TMEM161B: variants seen among roughly 807,000 people sequenced by gnomAD.
TMEM161B encodes the protein transmembrane protein 161B.
A neutral mutation model predicts 61.8 loss-of-function variants in TMEM161B; 34 were observed. The observed-to-expected ratio is 0.55, with a 90% confidence interval of 0.42 to 0.73. The LOEUF is 0.73. TMEM161B is among the 30% of genes least tolerant of loss of function. The pLI is 0.00. For synonymous variants in TMEM161B, 167 were observed against 192.8 expected (o/e 0.87, Z 1.11); for missense variants, 456 against 558.5 (o/e 0.82, Z 1.85).
At chr5:88,238,146 T>C (rs935052557) in intron 2 of TMEM161B, among the ~76,000 whole-genome samples, 5 of 152,140 alleles carry the variant, frequency 3.3e-5, no homozygotes, top group Admixed American at 6.6e-5. Flanking sequence ...AGATGCTATA[T>C]AGCTTTTATA....
chr5:88,206,950 T>C (rs1237831749), intron 6 of TMEM161B, 79 bp downstream of exon 6: 5 of 1,258,660 alleles, frequency 4.0e-6, no homozygotes, highest in Non-Finnish European at 5.6e-6. Flanking sequence ...TTATCAGACA[T>C]AAAACTTAAA....
intron 1 of TMEM161B, among the ~76,000 whole-genome samples, chr5:88,256,436 A>C (rs1363054211): frequency 1.3e-5 from 2 of 152,234 alleles, no homozygotes; most frequent in Admixed American, 6.5e-5. Context: ...TATAGAAAAT[A>C]TCTCTACAGG....
intron 1 of TMEM161B, chr5:88,259,442 T>C (rs1755414718): frequency 6.6e-6 from 1 of 152,144 alleles, no homozygotes; most frequent in Admixed American, 6.6e-5. Context: ...GGGATAACCG[T>C]GAGATAGGCT....
chr5:88,206,519 AAAC>A lies in TMEM161B; in HGVS notation c.599-23_599-21del. ...TAAACCCTGTGGGGGAAAAAAAAAA[AAAC>A]AACAGATTACTCTTATCACAAATGT... On this transcript the variant is annotated intron_variant, in intron 6 of 11. Coordinates refer to ENST00000296595, the MANE Select transcript of TMEM161B (RefSeq NM_153354.5). The A allele has an allele frequency of 1.3e-6, 2 of 1,553,984 alleles. No homozygotes were observed. The highest frequency in any genetic ancestry group is 1.7e-6 in the Non-Finnish European group (2 of 1,150,486).
chr5:88,268,634 G>A, intron 1 of TMEM161B, 87 bp downstream of exon 1: 1 of 1,588,476 alleles, frequency 6.3e-7, no homozygotes, highest in South Asian at 1.1e-5. Flanking sequence ...ATTCTGAGCA[G>A]AGCACCTGAT....
At chr5:88,237,377 C>T (rs1360739592) in intron 2 of TMEM161B, among the ~76,000 whole-genome samples, 1 of 152,032 alleles carries the variant, frequency 6.6e-6, no homozygotes, top group Non-Finnish European at 1.5e-5. Flanking sequence ...AGCAATCTAG[C>T]AGGGGACTCC....
chr5:88,197,795 A>C, intron 10 of TMEM161B, 30 bp from the exon 11 acceptor site: 3 of 1,576,418 alleles, frequency 1.9e-6, no homozygotes, highest in Non-Finnish European at 2.6e-6. Context: ...TAAGTGTCTA[A>C]TGCAACTGAC....
chr5:88,194,640 A>G (rs115979052), downstream of TMEM161B, among the ~76,000 whole-genome samples: 898 of 152,028 alleles, frequency 5.9e-3, 16 homozygotes, highest in African/African-American at 0.021. Flanking sequence ...CTTTTAAAAC[A>G]TGGCTATTTC....
intron 2 of TMEM161B, among the ~76,000 whole-genome samples, chr5:88,234,317 A>G (rs1227042715): frequency 6.6e-6 from 1 of 152,220 alleles, no homozygotes; most frequent in Non-Finnish European, 1.5e-5. Flanking sequence ...GGTGAGGCTG[A>G]GGTACAGATG....
chr5:88,194,339 G>C (rs185345890), downstream of TMEM161B, among the ~76,000 whole-genome samples: 1 of 151,968 alleles, frequency 6.6e-6, no homozygotes, highest in African/African-American at 2.4e-5. Flanking sequence ...CTTTTTTTAC[G>C]GCTGCATGGT....
rs1749452421 is a variant in TMEM161B at position 88,195,358 on chromosome 5, T to C, written c.*853A>G. ...TTCATCTTTTATAATCTCAATATAT[T>C]ATATATTTAATATATAATATATATA... On this transcript the variant is annotated 3_prime_UTR_variant, in exon 12 of 12. Transcript: ENST00000296595. 1 of 726,288 alleles carries C rather than the reference T, an allele frequency of 1.4e-6. No individual in the cohort carries two copies. Among genetic ancestry groups the C allele is most frequent in the Non-Finnish European group, 1.7e-6 (1 of 596,286 alleles). 45.0% of individuals were successfully genotyped at this position (726,288 alleles called of 1,614,324 possible).
intron 1 of TMEM161B, among the ~76,000 whole-genome samples, chr5:88,264,693 C>T (rs768769866): frequency 2.6e-5 from 4 of 152,130 alleles, no homozygotes; most frequent in Non-Finnish European, 5.9e-5. Flanking sequence ...AACCCAAATA[C>T]ACATCAATGA....
chr5:88,219,254 T>A (rs1418620371), intron 5 of TMEM161B, among the ~76,000 whole-genome samples: 4 of 152,180 alleles, frequency 2.6e-5, no homozygotes, highest in Non-Finnish European at 2.9e-5. Context: ...ATGAAATGAA[T>A]AGAAACTGAT....
chr5:88,258,203 C>A (rs1435290669), intron 1 of TMEM161B, among the ~76,000 whole-genome samples: 1 of 152,200 alleles, frequency 6.6e-6, no homozygotes, highest in Admixed American at 6.5e-5. Flanking sequence ...GCGTGCTTAT[C>A]TGTCCCTATT....
intron 1 of TMEM161B, among the ~76,000 whole-genome samples, chr5:88,247,918 C>A (rs1052465453): frequency 1.3e-5 from 2 of 152,052 alleles, no homozygotes; most frequent in African/African-American, 4.8e-5. Context: ...GAAAAGCACA[C>A]ATTACAATAC....
chr5:88,196,134 G>T lies in TMEM161B; in HGVS notation c.*77C>A. 1.3e-6 allele frequency: 2 copies of T among 1,503,114 alleles called. No individual in the cohort carries two copies. The highest frequency in any genetic ancestry group is 1.4e-5 in the South Asian group (1 of 71,698). 93.1% of individuals were successfully genotyped at this position (1,503,114 alleles called of 1,614,324 possible). A position where few individuals can be genotyped will look rare whatever the true frequency, so the allele number is the denominator to read the frequency against. ...TTCCCATTGTATTTGCTTTCTTCTG[G>T]TTTTCATCAGCCCTTTAAGGGCACA... On this transcript the variant is annotated 3_prime_UTR_variant, in exon 12 of 12. Coordinates refer to ENST00000296595, the MANE Select transcript of TMEM161B (RefSeq NM_153354.5).
intron 1 of TMEM161B, among the ~76,000 whole-genome samples, chr5:88,249,907 A>T (rs1754105899): frequency 1.3e-5 from 2 of 152,276 alleles, no homozygotes; most frequent in African/African-American, 4.8e-5. Context: ...AGAAGACAAG[A>T]GGGAAACCTC....
chr5:88,214,855 G>A (rs1373759581), intron 5 of TMEM161B, among the ~76,000 whole-genome samples: 6 of 152,194 alleles, frequency 3.9e-5, no homozygotes, highest in African/African-American at 1.4e-4. Context: ...AGCTGTGATG[G>A]CTGAGATGCA....
intron 5 of TMEM161B, among the ~76,000 whole-genome samples, chr5:88,218,410 C>T (rs1452636443): frequency 6.6e-6 from 1 of 152,076 alleles, no homozygotes; most frequent in Non-Finnish European, 1.5e-5. Context: ...AAATAAGGCA[C>T]ATCATCATAA....
Sources: gnomAD v4.1 joint callset for allele counts (sites outside exome capture counted in the v4.1 genomes callset) on GRCh38, gnomAD v4.1.1 for gene constraint, MANE v1.5 for transcripts, NCBI Gene and HGNC (gene_info 2026-07-23, HGNC 2026-07-21) for gene names.